LRMDA: variants seen among roughly 807,000 people sequenced by gnomAD.
The protein encoded by LRMDA is leucine rich melanocyte differentiation associated, also known as leucine-rich melanocyte differentiation-associated protein.
In LRMDA, 18 loss-of-function variants were observed where a neutral mutation model predicts 29.8. The ratio of observed to expected loss-of-function variants is 0.60; its 90% CI spans 0.42 to 0.90. The LOEUF (loss-of-function observed/expected upper bound fraction) is 0.90, where lower values mean the gene tolerates loss of function less well. LRMDA is among the 40% of genes least tolerant of loss of function. LRMDA has a pLI of 0.00. For missense variants in LRMDA, 273 were observed against 273.9 expected (o/e 1.00, Z 0.02); for synonymous variants, 125 against 109.4 (o/e 1.14, Z -0.89).
chr10:75,519,590 G>C (rs1274094218), intron 2 of LRMDA, among the ~76,000 whole-genome samples: 1 of 152,012 alleles, frequency 6.6e-6, no homozygotes, highest in Non-Finnish European at 1.5e-5. Context: ...ACTTGAGATG[G>C]GTCTCCTGAA....
At chr10:75,931,667 A>G (rs2132400828) in intron 2 of LRMDA, among the ~76,000 whole-genome samples, 3 of 152,280 alleles carry the variant, frequency 2.0e-5, no homozygotes, top group African/African-American at 7.2e-5. Context: ...TCCACCCAAG[A>G]ATGCTGGTGC....
At chr10:75,963,928 T>C (rs1846812187) in intron 2 of LRMDA, among the ~76,000 whole-genome samples, 1 of 152,248 alleles carries the variant, frequency 6.6e-6, no homozygotes, top group Admixed American at 6.5e-5. Context: ...GCAGGCTTGC[T>C]TTAATCCTTC....
chr10:75,991,020 T>C (rs368012144), intron 2 of LRMDA, among the ~76,000 whole-genome samples: 2 of 152,290 alleles, frequency 1.3e-5, no homozygotes, highest in South Asian at 4.1e-4. Flanking sequence ...AAAGTGAAGG[T>C]GATATCTCAC....
intron 6 of LRMDA, among the ~76,000 whole-genome samples, chr10:76,482,657 A>G (rs1842743301): frequency 6.6e-6 from 1 of 151,948 alleles, no homozygotes; most frequent in Non-Finnish European, 1.5e-5. Context: ...GCATTCTCAT[A>G]CCTGTCATTT....
chr10:76,507,742 T>C (rs1842973323), intron 6 of LRMDA, among the ~76,000 whole-genome samples: 1 of 152,182 alleles, frequency 6.6e-6, no homozygotes, highest in African/African-American at 2.4e-5. Flanking sequence ...CACCAATCAT[T>C]GAAGAGACTA....
intron 5 of LRMDA, among the ~76,000 whole-genome samples, chr10:76,127,669 G>GT (rs1849908965): frequency 6.7e-6 from 1 of 150,292 alleles, no homozygotes; most frequent in Non-Finnish European, 1.5e-5. Flanking sequence ...TAAGGCAGTT[G>GT]TAAAAGCTTG....
intron 2 of LRMDA, among the ~76,000 whole-genome samples, chr10:75,759,993 T>G (rs1055437914): frequency 9.2e-5 from 14 of 152,242 alleles, no homozygotes; most frequent in Non-Finnish European, 2.1e-4. Context: ...TCATTGGGAA[T>G]TATGTATCCA....
intron 2 of LRMDA, among the ~76,000 whole-genome samples, chr10:75,716,496 A>G (rs560229885): frequency 7.4e-4 from 112 of 152,316 alleles, no homozygotes; most frequent in Non-Finnish European, 1.4e-3. Flanking sequence ...TTGAATTAAG[A>G]TCTGCTCAAA....
chr10:76,545,677 A>T (rs1256761266), intron 6 of LRMDA, among the ~76,000 whole-genome samples: 3 of 139,404 alleles, frequency 2.2e-5, no homozygotes, highest in Non-Finnish European at 4.7e-5. Context: ...TATTATTGTT[A>T]TTATTTAGGT....
At chr10:76,536,770 G>C (rs1323384985) in intron 6 of LRMDA, among the ~76,000 whole-genome samples, 2 of 151,990 alleles carry the variant, frequency 1.3e-5, no homozygotes, top group African/African-American at 4.8e-5. Context: ...CGTGGTTACC[G>C]CCAGATGGAT....
chr10:76,395,558 A>C (rs1444938720), intron 6 of LRMDA, among the ~76,000 whole-genome samples: 7 of 152,222 alleles, frequency 4.6e-5, no homozygotes, highest in African/African-American at 1.7e-4. Flanking sequence ...ACCCATTCCC[A>C]AAAGTGCATT....
chr10:75,958,072 G>A lies in LRMDA; in HGVS notation c.132-77936G>A, dbSNP rs1678996957. ...GTTTATAAACTGAAAACTGTAGCCT[G>A]TGCGCCTTGCTGACGATGGTGCTGG... is the stretch of plus-strand genomic sequence containing the variant. On this transcript the variant is annotated intron_variant, in intron 2 of 6. Coordinates refer to ENST00000611255, the MANE Select transcript of LRMDA (RefSeq NM_001305581.2). 2.0e-5 allele frequency among the ~76,000 whole-genome samples: 3 copies of A among 152,166 alleles called. No homozygotes were observed. In the South Asian group the frequency reaches 6.2e-4, roughly 32 times the overall value.
intron 6 of LRMDA, among the ~76,000 whole-genome samples, chr10:76,541,839 C>T (rs1030555941): frequency 8.5e-5 from 13 of 152,244 alleles, no homozygotes; most frequent in African/African-American, 3.1e-4. Context: ...AAATTTCAAG[C>T]ACTTCCCTGT....
intron 2 of LRMDA, among the ~76,000 whole-genome samples, chr10:75,447,270 A>G (rs1264027202): frequency 1.3e-5 from 2 of 152,174 alleles, no homozygotes; most frequent in Non-Finnish European, 2.9e-5. Context: ...CAGAACATAC[A>G]ATGAAAAGAT....
At chr10:75,591,989 A>T (rs1840729276) in intron 2 of LRMDA, among the ~76,000 whole-genome samples, 1 of 151,980 alleles carries the variant, frequency 6.6e-6, no homozygotes, top group Admixed American at 6.6e-5. Context: ...ATGGAGGAGC[A>T]GGGGGCATGT....
intron 2 of LRMDA, among the ~76,000 whole-genome samples, chr10:75,611,070 C>T (rs1564521995): frequency 6.6e-6 from 1 of 152,006 alleles, no homozygotes; most frequent in East Asian, 1.9e-4. Context: ...GAGGCTGGAG[C>T]TGGTGGGGCA....
At chr10:75,937,055 A>G (rs951313988) in intron 2 of LRMDA, among the ~76,000 whole-genome samples, 17 of 152,148 alleles carry the variant, frequency 1.1e-4, no homozygotes, top group African/African-American at 4.1e-4. Context: ...TATAGTTTTT[A>G]CTTTTGGGGG....
intron 5 of LRMDA, among the ~76,000 whole-genome samples, chr10:76,184,637 C>G (rs1851114409): frequency 6.6e-6 from 1 of 152,178 alleles, no homozygotes; most frequent in African/African-American, 2.4e-5. Flanking sequence ...GGGTATAGAG[C>G]TAACACTGTA....
intron 2 of LRMDA, among the ~76,000 whole-genome samples, chr10:75,931,743 C>T (rs542820453): frequency 6.6e-6 from 1 of 152,336 alleles, no homozygotes; most frequent in East Asian, 1.9e-4. Context: ...CAGCCACTCT[C>T]ATCAGCAATA....
Sources: allele counts gnomAD v4.1 joint callset (sites outside exome capture counted in the v4.1 genomes callset), GRCh38; gene constraint gnomAD v4.1.1; transcripts MANE v1.5; gene names NCBI Gene and HGNC (gene_info 2026-07-23, HGNC 2026-07-21).